Variants in CNOT4 observed in about 807,000 individuals in gnomAD.
The protein encoded by CNOT4 is CCR4-NOT transcription complex subunit 4.
Under a neutral mutation model 73.8 loss-of-function variants are expected in CNOT4, and 8 were observed. That is an observed-to-expected ratio of 0.11 (90% CI 0.06 to 0.20). The LOEUF (loss-of-function observed/expected upper bound fraction) is 0.20, where lower values mean the gene tolerates loss of function less well. CNOT4 is among the 10% of genes least tolerant of loss of function. The probability of loss-of-function intolerance (pLI) is 1.00; values close to 1 mark genes in which losing one functional copy is unlikely to be tolerated. For synonymous variants in CNOT4, 293 were observed against 321.1 expected, an observed-to-expected ratio of 0.91 and a Z score of 0.94; for missense variants, 564 against 883.4, an observed-to-expected ratio of 0.64 and a Z score of 4.58.
In CNOT4 at chr7:135,414,370, C is replaced by T; in HGVS notation, c.522G>A (p.Gln174=). The change falls in exon 5 of 12, where the codon CAG becomes CAA. Residue 174 remains glutamine (Q), a synonymous_variant. Coordinates refer to ENST00000541284, the MANE Select transcript of CNOT4 (RefSeq NM_001190850.2). ...IRSEDALRAI[Q]CVNNVVVDGR... ...CATCTACTACCACATTGTTGACACA[C>T]TGTATGGCTCTGAGAGCGTCTTCTG... 2 of 1,538,850 alleles carry T rather than the reference C, an allele frequency of 1.3e-6. No individual in the cohort carries two copies. Among genetic ancestry groups the T allele is most frequent in the Non-Finnish European group, 1.8e-6 (2 of 1,114,118 alleles).
chr7:135,430,874 T>C (rs555636825), intron 2 of CNOT4, among the ~76,000 whole-genome samples: 1 of 152,334 alleles, frequency 6.6e-6, no homozygotes, highest in East Asian at 1.9e-4. Flanking sequence ...AATGCCTTCC[T>C]GCTAAGATTG....
intron 3 of CNOT4, among the ~76,000 whole-genome samples, chr7:135,421,843 T>C (rs1000796657): frequency 1.3e-5 from 2 of 152,206 alleles, no homozygotes; most frequent in Non-Finnish European, 2.9e-5. Context: ...AGAGTATTCA[T>C]ATCACATGTT....
intron 1 of CNOT4, among the ~76,000 whole-genome samples, chr7:135,480,540 T>C (rs1802304918): frequency 6.6e-6 from 1 of 152,176 alleles, no homozygotes; most frequent in Non-Finnish European, 1.5e-5. Flanking sequence ...TTGTCAAAAA[T>C]GCAGATTCTG....
chr7:135,402,397 C>T (rs527404112), intron 7 of CNOT4, among the ~76,000 whole-genome samples: 3 of 152,196 alleles, frequency 2.0e-5, no homozygotes, highest in South Asian at 2.1e-4. Flanking sequence ...GCGTGAGCCA[C>T]GGCACCTGGC....
At chr7:135,396,027 G>T in intron 8 of CNOT4, 144 bp from the exon 9 acceptor site, 1 of 538,594 alleles carries the variant, frequency 1.9e-6, no homozygotes. Context: ...TGAAGTTTCA[G>T]AAAATCAATT....
chr7:135,396,495 T>C (rs781310496), intron 8 of CNOT4, among the ~76,000 whole-genome samples: 14 of 152,170 alleles, frequency 9.2e-5, no homozygotes, highest in Non-Finnish European at 1.6e-4. Flanking sequence ...TTTACTACAG[T>C]ATTTTGCTCA....
chr7:135,485,570 C>T (rs779858125), intron 1 of CNOT4, among the ~76,000 whole-genome samples: 1 of 152,138 alleles, frequency 6.6e-6, no homozygotes, highest in East Asian at 1.9e-4. Flanking sequence ...TAGAACAGAA[C>T]AGAAAACCCA....
intron 1 of CNOT4, among the ~76,000 whole-genome samples, chr7:135,504,647 C>T (rs1286431155): frequency 8.5e-6 from 1 of 117,882 alleles, no homozygotes; most frequent in Non-Finnish European, 1.8e-5. Context: ...CCACTACGCC[C>T]GGCTAATTTT....
At position 135,415,789 on chromosome 7, in the gene CNOT4, C is replaced by A. The variant is rs779423216; in HGVS notation, c.373-527G>T. On this transcript the variant is annotated intron_variant, in intron 3 of 11. Transcript: ENST00000541284. ...CAGAGTGCCCACTCAACCCTCTATG[C>A]TTTATGATTTATCATTGTGCATACA... Among the ~76,000 whole-genome samples the A allele has an allele frequency of 3.9e-5, 6 of 152,116 alleles. No homozygotes were observed. The South Asian group carries it at 8.3e-4, about 21-fold the overall frequency.
chr7:135,440,022 A>G (rs1213762408), intron 1 of CNOT4, among the ~76,000 whole-genome samples: 1 of 152,070 alleles, frequency 6.6e-6, no homozygotes. Flanking sequence ...AAATCTTGGG[A>G]TATAGAAGGT....
chr7:135,406,248 T>C lies in CNOT4; in HGVS notation c.821+4267A>G, dbSNP rs535458472. 1.5e-4 allele frequency among the ~76,000 whole-genome samples: 23 copies of C among 152,006 alleles called. 1 individual carries two copies. In the East Asian group the frequency reaches 4.3e-3, roughly 28 times the overall value. On this transcript the variant is annotated intron_variant, in intron 7 of 11. Transcript: ENST00000541284. The stretch of plus-strand genomic sequence containing the variant: ...TACTCTCTGTAACTTGGGCCATTAA[T>C]TGTCACTTAATAAATTTAGGTAACC...
Position 135,422,240 on chromosome 7 carries a change from A to G in CNOT4, c.288T>C (p.Asn96=). ...CACGTACACTAGCCAAATGTTTGCG[A>G]TTTTCTGATATTTTCTGTTTTCTCT... The part of the protein sequence containing the change: ...QNERKQKISE[N]RKHLASVRVV... The change falls in exon 3 of 12, where the codon AAT becomes AAC. Residue 96 remains asparagine, a synonymous_variant. Coordinates refer to ENST00000541284, the MANE Select transcript of CNOT4 (RefSeq NM_001190850.2). The G allele has an allele frequency of 6.2e-7, 1 of 1,600,150 alleles. No individual in the cohort carries two copies. Among genetic ancestry groups the G allele is most frequent in the Non-Finnish European group, 8.6e-7 (1 of 1,167,442 alleles).
chr7:135,479,309 A>G (rs911840293), intron 1 of CNOT4, among the ~76,000 whole-genome samples: 1 of 145,986 alleles, frequency 6.8e-6, no homozygotes, highest in Non-Finnish European at 1.5e-5. Context: ...CCCAGGTTCA[A>G]GCAGTTCTTC....
At chr7:135,420,849 G>A (rs1798150248) in intron 3 of CNOT4, among the ~76,000 whole-genome samples, 1 of 151,964 alleles carries the variant, frequency 6.6e-6, no homozygotes, top group African/African-American at 2.4e-5. Flanking sequence ...AAAAAAGAGG[G>A]AGAACTGGCT....
At chr7:135,504,574 C>A (rs184061850) in intron 1 of CNOT4, among the ~76,000 whole-genome samples, 1,221 of 110,328 alleles carry the variant, frequency 0.011, 195 homozygotes, top group Admixed American at 0.095. Flanking sequence ...GCAAGCTCCG[C>A]CTCCCGGGTT....
intron 2 of CNOT4, 29 bp from the exon 3 acceptor site, chr7:135,422,382 A>C: frequency 9.7e-7 from 1 of 1,027,686 alleles, no homozygotes; most frequent in Non-Finnish European, 1.5e-6. Context: ...CATAGACGTT[A>C]GCATTAAATT....
intron 1 of CNOT4, among the ~76,000 whole-genome samples, chr7:135,504,030 T>A (rs1031651118): frequency 6.6e-6 from 1 of 152,116 alleles, no homozygotes; most frequent in African/African-American, 2.4e-5. Flanking sequence ...AAATTCACAA[T>A]CTGAAAACAC....
chr7:135,392,697 G>A (rs1050955393), intron 10 of CNOT4, among the ~76,000 whole-genome samples: 1 of 152,066 alleles, frequency 6.6e-6, no homozygotes, highest in East Asian at 1.9e-4. Context: ...ACTACATTAC[G>A]TGCTACCAGG....
At chr7:135,406,859 A>G (rs1158304042) in intron 7 of CNOT4, among the ~76,000 whole-genome samples, 1 of 152,214 alleles carries the variant, frequency 6.6e-6, no homozygotes, top group Admixed American at 6.5e-5. Flanking sequence ...TAATAAAGGC[A>G]AAGTCAATAA....
Sources: allele counts gnomAD v4.1 joint callset (sites outside exome capture counted in the v4.1 genomes callset), GRCh38; gene constraint gnomAD v4.1.1; transcripts MANE v1.5; gene names NCBI Gene and HGNC (gene_info 2026-07-23, HGNC 2026-07-21).